Variants in DCHS2 observed in about 807,000 individuals in gnomAD.
DCHS2 encodes protocadherin-23.
Under a neutral mutation model 182.4 loss-of-function variants are expected in DCHS2, and 142 were observed. The observed-to-expected ratio is 0.78, with a 90% CI of 0.68 to 0.89. DCHS2 has a LOEUF of 0.89. Ranked by LOEUF, DCHS2 falls within the 40% of genes least tolerant of loss-of-function variation. The probability of loss-of-function intolerance (pLI) is 0.00; values close to 1 mark genes in which losing one functional copy is unlikely to be tolerated. For missense variants in DCHS2, 4,319 were observed against 4,198.6 expected (o/e 1.03, Z -0.79); for synonymous variants, 1,740 against 1,663.3 (o/e 1.05, Z -1.12).
At chr4:154,261,785 T>C (rs1360295174) in intron 14 of DCHS2, 1 of 152,218 alleles carries the variant, frequency 6.6e-6, no homozygotes, top group African/African-American at 2.4e-5. Flanking sequence ...AATTTAGTAC[T>C]AGAACCAAAT....
intron 16 of DCHS2, among the ~76,000 whole-genome samples, chr4:154,247,635 C>CAAAAAAAAAAA (rs67157369): frequency 4.5e-4 from 45 of 100,110 alleles, no homozygotes; most frequent in African/African-American, 1.7e-3. Flanking sequence ...GACTCCGTCT[C>CAAAAAAAAAAA]AAAAAAAAAA....
At chr4:154,290,118 C>T (rs1734584443) in intron 13 of DCHS2, among the ~76,000 whole-genome samples, 1 of 152,024 alleles carries the variant, frequency 6.6e-6, no homozygotes, top group Admixed American at 6.6e-5. Flanking sequence ...AATCAACCTA[C>T]AAAAATTCAT....
chr4:154,475,175 A>G (rs1306247311), intron 1 of DCHS2, among the ~76,000 whole-genome samples: 1 of 152,182 alleles, frequency 6.6e-6, no homozygotes, highest in Non-Finnish European at 1.5e-5. Flanking sequence ...AAAGAAACAA[A>G]TGTACTGAAC....
chr4:154,469,582 T>C (rs1560777449), intron 1 of DCHS2, among the ~76,000 whole-genome samples: 1 of 152,186 alleles, frequency 6.6e-6, no homozygotes, highest in Non-Finnish European at 1.5e-5. Flanking sequence ...TCCAATTTGA[T>C]TGGAACAAAT....
chr4:154,331,345 C>T (rs1479192747), intron 5 of DCHS2, among the ~76,000 whole-genome samples: 4 of 152,024 alleles, frequency 2.6e-5, no homozygotes, highest in South Asian at 2.1e-4. Flanking sequence ...GGGAAGATCA[C>T]GGGGGAATCA....
At chr4:154,463,073 G>A (rs1051672866) in intron 1 of DCHS2, among the ~76,000 whole-genome samples, 7 of 150,312 alleles carry the variant, frequency 4.7e-5, no homozygotes, top group Admixed American at 2.6e-4. Context: ...TAAACATTTT[G>A]TTTACATTTA....
chr4:154,458,434 C>T (rs1167461120), intron 1 of DCHS2, among the ~76,000 whole-genome samples: 5 of 152,246 alleles, frequency 3.3e-5, no homozygotes, highest in Middle Eastern at 3.4e-3. Context: ...CACAGAGAAG[C>T]GCTAATATTC....
chr4:154,329,763 G>C (rs993975), intron 5 of DCHS2, 53 bp from the exon 6 acceptor site: 699,849 of 1,495,876 alleles, frequency 0.47, 165,356 homozygotes, highest in African/African-American at 0.59. Context: ...AGGCGCACCA[G>C]GGCCAGAACC....
intron 1 of DCHS2, chr4:154,384,487 T>C: frequency 6.4e-7 from 1 of 1,571,228 alleles, no homozygotes; most frequent in Non-Finnish European, 8.6e-7. Flanking sequence ...GGGGACTGAA[T>C]GCTGGCCTCC....
Position 154,320,359 on chromosome 4 carries a change from T to A in DCHS2, c.5020+20A>T. 1 of 1,579,938 alleles carries A rather than the reference T, an allele frequency of 6.3e-7. No individual in the cohort carries two copies. Among genetic ancestry groups the A allele is most frequent in the Non-Finnish European group, 8.6e-7 (1 of 1,166,198 alleles). On this transcript the variant is annotated intron_variant, in intron 9 of 19. Transcript: ENST00000357232. ...CAATAAAATAAAATATTTTTAAAAG[T>A]GACATATAGGGCACTGTACCTGATG...
rs1170229304 is a variant in DCHS2, at chr4:154,301,175, T to C, written c.5606-2467A>G. On this transcript the variant is annotated intron_variant, in intron 12 of 19. Transcript: ENST00000357232. Reference sequence around the variant, plus strand: ...TGCCAAATAAAGTGGTCATTCCCAATGTTGAAAGTTCAATGTCAAAACAGT... The same window carrying C: ...TGCCAAATAAAGTGGTCATTCCCAACGTTGAAAGTTCAATGTCAAAACAGT... Among the ~76,000 whole-genome samples, 4 of 152,216 alleles carry C rather than the reference T, an allele frequency of 2.6e-5. No individual in the cohort carries two copies. The East Asian group carries it at 5.8e-4, about 22-fold the overall frequency.
At position 154,404,354 on chromosome 4, in the gene DCHS2, T is replaced by C. The variant is rs142022537; in HGVS notation, c.2053-26910A>G. ...TCTAGAAATCCTATGGTTATTTATT[T>C]CTAATTTAATTCCATTATGATCACA... On this transcript the variant is annotated intron_variant, in intron 1 of 19. Coordinates refer to ENST00000357232, the MANE Select transcript of DCHS2 (RefSeq NM_001358235.2). 7.1e-3 allele frequency among the ~76,000 whole-genome samples: 1,079 copies of C among 152,356 alleles called. 13 individuals are homozygous for C. The highest frequency in any genetic ancestry group is 0.024 in the African/African-American group (1,017 of 41,592).
Position 154,320,510 on chromosome 4 carries a change from T to C in DCHS2, c.4889A>G (p.Glu1630Gly), listed in dbSNP as rs1376507057. 1 of 1,613,994 alleles carries C rather than the reference T, an allele frequency of 6.2e-7. No individual in the cohort carries two copies. Among genetic ancestry groups the C allele is most frequent in the East Asian group, 2.2e-5 (1 of 44,884 alleles). Reference protein sequence around the residue: ...FISFPNAHVKEDVTVGSLVHH... With the variant: ...FISFPNAHVKGDVTVGSLVHH... Reference sequence around the variant, plus strand: ...GACCAAGGAGCCCACTGTGACATCCTCTTTGACATGGGCATTGGGGAAAGA... The same window carrying C: ...GACCAAGGAGCCCACTGTGACATCCCCTTTGACATGGGCATTGGGGAAAGA... The change falls in exon 9 of 20, where the codon GAG becomes GGG. Residue 1630 changes from glutamate to glycine, a missense_variant. Transcript: ENST00000357232.
In DCHS2 at chr4:154,322,434, G is replaced by A; in HGVS notation, c.4073C>T (p.Thr1358Ile). 1 of 1,613,674 alleles carries A rather than the reference G, an allele frequency of 6.2e-7. No individual in the cohort carries two copies. Among genetic ancestry groups the A allele is most frequent in the Non-Finnish European group, 8.5e-7 (1 of 1,179,792 alleles). ...IDANNGEIRTTTILSYDYRPS... is the reference protein window; with the variant it reads ...IDANNGEIRTITILSYDYRPS... ...TCTATAATCATACGAAAGTATTGTG[G>A]TTGTTCTTATTTCACCATTGTTGGC... The change falls in exon 8 of 20, where the codon ACC becomes ATC. Residue 1358 changes from threonine (T) to isoleucine (I), a missense_variant. Thr to Ile is a moderately conservative substitution (Grantham distance 89). Coordinates refer to ENST00000357232, the MANE Select transcript of DCHS2 (RefSeq NM_001358235.2).
intron 13 of DCHS2, among the ~76,000 whole-genome samples, chr4:154,297,579 C>T (rs966251166): frequency 2.0e-5 from 3 of 152,152 alleles, no homozygotes; most frequent in African/African-American, 7.2e-5. Context: ...GAAGGCTCCC[C>T]ATCCACTTAT....
At chr4:154,390,332 T>C (rs914449037) in intron 1 of DCHS2, among the ~76,000 whole-genome samples, 3 of 144,388 alleles carry the variant, frequency 2.1e-5, no homozygotes, top group Non-Finnish European at 4.5e-5. Context: ...GATCTCATTG[T>C]TCAATTCCCA....
chr4:154,382,293 A>C (rs1731205727), intron 1 of DCHS2, among the ~76,000 whole-genome samples: 1 of 152,166 alleles, frequency 6.6e-6, no homozygotes, highest in Admixed American at 6.6e-5. Context: ...TTTTAATTTC[A>C]ACTAGATGAA....
At chr4:154,329,029 G>A (rs1736406161) in intron 6 of DCHS2, among the ~76,000 whole-genome samples, 1 of 152,068 alleles carries the variant, frequency 6.6e-6, no homozygotes, top group African/African-American at 2.4e-5. Flanking sequence ...AAAGACAAAT[G>A]AAAAAGATGA....
At position 154,304,785 on chromosome 4, in the gene DCHS2, A is replaced by G. The variant is rs368978015; in HGVS notation, c.5489T>C (p.Ile1830Thr). The change falls in exon 12 of 20, where the codon ATT becomes ACT. Residue 1830 changes from isoleucine to threonine, a missense_variant. Transcript: ENST00000357232. ...EDENDHAPEF[I>T]VSSYDIEVLE... ...AACCTCAATGTCATAACTGGAAACA[A>G]TAAACTCTGGTGCGTGATCGTTTTC... 9.9e-6 allele frequency: 16 copies of G among 1,614,006 alleles called. No individual in the cohort carries two copies. The highest frequency in any genetic ancestry group is 1.1e-5 in the Non-Finnish European group (13 of 1,179,942).
Sources: gnomAD v4.1 joint callset for allele counts (sites outside exome capture counted in the v4.1 genomes callset) on GRCh38, gnomAD v4.1.1 for gene constraint, MANE v1.5 for transcripts, NCBI Gene and HGNC (gene_info 2026-07-23, HGNC 2026-07-21) for gene names.